The following CCDC57 variants were observed in gnomAD, a reference collection of about 807,000 sequenced individuals.
CCDC57 encodes the protein coiled-coil domain-containing protein 57.
CCDC57 carries 118 observed loss-of-function variants against 118.9 expected under a neutral mutation model. The observed-to-expected ratio is 0.99, with a 90% CI of 0.86 to 1.16. CCDC57 has a LOEUF of 1.16. Among genes scored for constraint, CCDC57 ranks in the 50% most tolerant of loss-of-function variants. The pLI is 0.00. For synonymous variants in CCDC57, 527 were observed against 532.9 expected (o/e 0.99, Z 0.15); for missense variants, 1,300 against 1,320.7 (o/e 0.98, Z 0.24).
chr17:82,185,427 T>C (rs2046809165), intron 8 of CCDC57, among the ~76,000 whole-genome samples: 1 of 151,096 alleles, frequency 6.6e-6, no homozygotes, highest in South Asian at 2.1e-4. Flanking sequence ...GAAACCAGCC[T>C]GGGCAACATG....
At chr17:82,184,031 GCACACACACACA>G (rs71166198) in intron 8 of CCDC57, 99 bp from the exon 8 acceptor site, 94 of 131,840 alleles carry the variant, frequency 7.1e-4, no homozygotes, top group African/African-American at 1.8e-3. Flanking sequence ...GCGCGCGCGC[GCACACACACACA>G]CACACACACA....
chr17:82,143,484 GCACA>G (rs10581789), intron 16 of CCDC57, among the ~76,000 whole-genome samples: 1 of 44,438 alleles, frequency 2.3e-5, no homozygotes, highest in South Asian at 1.1e-3. Context: ...ACACACACAG[GCACA>G]CACACACACC....
intron 11 of CCDC57, 84 bp downstream of exon 10, chr17:82,178,390 T>A: frequency 6.8e-7 from 1 of 1,465,232 alleles, no homozygotes; most frequent in Non-Finnish European, 9.1e-7. Flanking sequence ...TTAGCTCCAG[T>A]CTTGGTAGGA....
intron 2 of CCDC57, among the ~76,000 whole-genome samples, chr17:82,204,463 T>C (rs1302232794): frequency 2.6e-5 from 4 of 152,162 alleles, no homozygotes; most frequent in African/African-American, 9.7e-5. Context: ...TCCCACTTTT[T>C]TGGCTGCCAA....
At chr17:82,184,339 G>A (rs2046674049) in intron 8 of CCDC57, among the ~76,000 whole-genome samples, 1 of 152,164 alleles carries the variant, frequency 6.6e-6, no homozygotes, top group African/African-American at 2.4e-5. Flanking sequence ...TCATGTCCTC[G>A]CCATGCCTAG....
chr17:82,149,011 TGGA>T (rs1164832987), intron 16 of CCDC57, among the ~76,000 whole-genome samples: 3 of 45,288 alleles, frequency 6.6e-5, no homozygotes, highest in Admixed American at 7.0e-4. Context: ...GGATGGGTGG[TGGA>T]TGGATGGTAG....
intron 16 of CCDC57, among the ~76,000 whole-genome samples, chr17:82,145,087 A>G (rs973163433): frequency 7.5e-6 from 1 of 134,120 alleles, no homozygotes; most frequent in Non-Finnish European, 1.5e-5. Flanking sequence ...CAGTGGCTTG[A>G]TCTTGGCTCA....
At chr17:82,164,213 T>TA (rs111408611) in intron 13 of CCDC57, among the ~76,000 whole-genome samples, 1,584 of 148,228 alleles carry the variant, frequency 0.011, 23 homozygotes, top group African/African-American at 0.032. Context: ...CTGTCTCTGC[T>TA]AAAAAAAAAA....
intron 19 of CCDC57, among the ~76,000 whole-genome samples, chr17:82,104,328 G>A (rs966399084): frequency 2.6e-5 from 4 of 152,164 alleles, no homozygotes; most frequent in South Asian, 2.1e-4. Context: ...CCTCCCCCAC[G>A]GGCTGCTTGT....
At position 82,193,970 on chromosome 17, in the gene CCDC57, G is replaced by A. The variant is rs758314499; in HGVS notation, c.776+12C>T. The A allele has an allele frequency of 6.2e-7, 1 of 1,602,694 alleles. No homozygotes were observed. ...CACAGAGCACGCCTCGGGAGATGAA[G>A]GACTCGCGCACCGGGCGCGGCTCAT... is the stretch of plus-strand genomic sequence containing the variant. On this transcript the variant is annotated intron_variant, in intron 6 of 19. Coordinates refer to ENST00000665763, the Ensembl canonical transcript of CCDC57.
intron 9 of CCDC57, among the ~76,000 whole-genome samples, chr17:82,180,152 G>T (rs2046026301): frequency 6.6e-6 from 1 of 152,242 alleles, no homozygotes; most frequent in Admixed American, 6.5e-5. Flanking sequence ...TCCCTGGAGG[G>T]GCTGCGTGGC....
intron 14 of CCDC57, among the ~76,000 whole-genome samples, chr17:82,161,442 G>A (rs1219694182): frequency 1.3e-5 from 2 of 152,172 alleles, no homozygotes; most frequent in African/African-American, 4.8e-5. Context: ...AGTCCACACA[G>A]GAACTTACAC....
exon 16 of CCDC57, chr17:82,151,662 T>G: frequency 6.4e-7 from 1 of 1,550,390 alleles, no homozygotes; most frequent in Non-Finnish European, 8.7e-7. Flanking sequence ...TCCTTCAGCT[T>G]TCTCTGGAGT....
intron 15 of CCDC57, 108 bp downstream of exon 14, chr17:82,157,640 A>T: frequency 1.4e-6 from 2 of 1,470,470 alleles, no homozygotes; most frequent in Non-Finnish European, 1.8e-6. Context: ...CCCTCGTCCC[A>T]CCTGAGCTCC....
At chr17:82,165,918 A>G (rs2043938129) in intron 13 of CCDC57, among the ~76,000 whole-genome samples, 2 of 152,184 alleles carry the variant, frequency 1.3e-5, no homozygotes, top group Admixed American at 1.3e-4. Flanking sequence ...AAGGCTGACT[A>G]CCTGACAAAA....
chr17:82,188,229 C>A, exon 8 of CCDC57: 1 of 1,551,140 alleles, frequency 6.4e-7, no homozygotes. Flanking sequence ...TGGTCAATGG[C>A]AGCGTCCTTC....
chr17:82,190,470 C>T (rs4499294), intron 7 of CCDC57, among the ~76,000 whole-genome samples: 72,402 of 151,950 alleles, frequency 0.48, 18,025 homozygotes, highest in East Asian at 0.88. Flanking sequence ...CCGAGGTGCG[C>T]GGACCACTTG....
At chr17:82,127,238 C>A (rs2037578936) in intron 19 of CCDC57, 1 of 985,270 alleles carries the variant, frequency 1.0e-6, no homozygotes, top group Non-Finnish European at 1.2e-6. Context: ...TGAGGCTGAG[C>A]ATCACTGGGG....
At chr17:82,207,769 C>T (rs1458952978) in intron 2 of CCDC57, 3 of 152,246 alleles carry the variant, frequency 2.0e-5, no homozygotes, top group Non-Finnish European at 4.4e-5. Context: ...TGAATCGGCT[C>T]TGCCTGGGCA....
Sources: gnomAD v4.1 joint callset for allele counts (sites outside exome capture counted in the v4.1 genomes callset) on GRCh38, gnomAD v4.1.1 for gene constraint, MANE v1.5 for transcripts, NCBI Gene and HGNC (gene_info 2026-07-23, HGNC 2026-07-21) for gene names.